Variants in GRM3 observed in about 807,000 individuals in gnomAD.
The protein encoded by GRM3 is glutamate metabotropic receptor 3.
Under a neutral mutation model 70.5 loss-of-function variants are expected in GRM3, and 26 were observed. The ratio of observed to expected loss-of-function variants is 0.37; its 90% CI spans 0.27 to 0.51. The LOEUF is 0.51. Ranked by LOEUF, GRM3 falls within the 20% of genes least tolerant of loss-of-function variation. The probability of loss-of-function intolerance (pLI) is 0.93; values close to 1 mark genes in which losing one functional copy is unlikely to be tolerated. For missense variants in GRM3, 859 were observed against 1,123.8 expected, an observed-to-expected ratio of 0.76 and a Z score of 3.37; for synonymous variants, 443 against 434.9, an observed-to-expected ratio of 1.02 and a Z score of -0.23.
At chr7:86,689,033 AATTCTGAGTC>A (rs996409020) in intron 1 of GRM3, among the ~76,000 whole-genome samples, 79 of 150,092 alleles carry the variant, frequency 5.3e-4, no homozygotes, top group Middle Eastern at 3.5e-3. Flanking sequence ...CTTAGGAAAT[AATTCTGAGTC>A]ATTGCCATTA....
intron 1 of GRM3, among the ~76,000 whole-genome samples, chr7:86,655,249 A>C (rs1318283340): frequency 2.0e-5 from 3 of 152,162 alleles, no homozygotes; most frequent in Non-Finnish European, 4.4e-5. Flanking sequence ...ACCTATATTT[A>C]AGTCCAACTT....
rs894983594 is a variant in GRM3 at position 86,644,565 on chromosome 7, C to A, written c.-448C>A. On this transcript the variant is annotated 5_prime_UTR_variant, in exon 1 of 6. Transcript: ENST00000361669. ...CCCAACCTCCTCCCTCTCTTCTACT[C>A]CACCCCTCCGTTTTCCCACTCCCCA... 1 of 402,268 alleles carries A rather than the reference C, an allele frequency of 2.5e-6. No individual in the cohort carries two copies. The highest frequency in any genetic ancestry group is 2.0e-5 in the African/African-American group (1 of 48,826). The allele number at this position is 402,268 out of a possible 1,614,324, so 24.9% of individuals were successfully genotyped here. A position where few individuals can be genotyped will look rare whatever the true frequency, so the allele number is the denominator to read the frequency against.
At position 86,821,182 on chromosome 7, in the gene GRM3, A is replaced by T. The variant is rs573421502; in HGVS notation, c.1325-17657A>T. 2.8e-5 allele frequency among the ~76,000 whole-genome samples: 4 copies of T among 143,502 alleles called. No individual in the cohort carries two copies. In the East Asian group the frequency reaches 8.0e-4, roughly 29 times the overall value. The allele number at this position is 143,502 out of a possible 152,430, so 94.1% of individuals were successfully genotyped here. On this transcript the variant is annotated intron_variant, in intron 3 of 5. Transcript: ENST00000361669. ...AAAGGCTGAATAAAGGGTTTTTTTT[A>T]ACTAGAAAGAGAAAGATTATGTCAT...
At position 86,849,824 on chromosome 7, in the gene GRM3, A is replaced by G. The variant is rs1225709814; in HGVS notation, c.2392-546A>G. On this transcript the variant is annotated intron_variant, in intron 4 of 5. Coordinates refer to ENST00000361669, the MANE Select transcript of GRM3 (RefSeq NM_000840.3). ...GATGCCAATAAGCAAAAGCAAAGGT[A>G]CCACAGAAGAAAGCTGACAGTGATC... is the stretch of plus-strand genomic sequence containing the variant. 2.0e-5 allele frequency among the ~76,000 whole-genome samples: 3 copies of G among 152,256 alleles called. No homozygotes were observed. In the East Asian group the frequency reaches 5.8e-4, roughly 29 times the overall value.
At chr7:86,770,061 G>A (rs1490054755) in intron 2 of GRM3, among the ~76,000 whole-genome samples, 1 of 152,098 alleles carries the variant, frequency 6.6e-6, no homozygotes, top group Non-Finnish European at 1.5e-5. Flanking sequence ...CAATGATAAT[G>A]CTTGTGCTTT....
intron 1 of GRM3, among the ~76,000 whole-genome samples, chr7:86,728,781 G>A (rs1317912519): frequency 6.6e-6 from 1 of 152,200 alleles, no homozygotes; most frequent in Non-Finnish European, 1.5e-5. Context: ...CTAGTGAGCA[G>A]GTAGTGAAAC....
chr7:86,859,686 C>A (rs906680288), intron 5 of GRM3, among the ~76,000 whole-genome samples: 1 of 152,136 alleles, frequency 6.6e-6, no homozygotes, highest in Non-Finnish European at 1.5e-5. Context: ...TAAAGTAACA[C>A]TGACTCTCAG....
intron 1 of GRM3, among the ~76,000 whole-genome samples, chr7:86,718,843 T>A (rs1373701903): frequency 6.6e-6 from 1 of 151,974 alleles, no homozygotes; most frequent in African/African-American, 2.4e-5. Flanking sequence ...ACTTCTCTTG[T>A]AAGAATCATT....
At chr7:86,721,326 A>G (rs1795457035) in intron 1 of GRM3, among the ~76,000 whole-genome samples, 1 of 152,120 alleles carries the variant, frequency 6.6e-6, no homozygotes, top group South Asian at 2.1e-4. Context: ...TTCTAGGATG[A>G]AATACCAAGT....
intron 1 of GRM3, among the ~76,000 whole-genome samples, chr7:86,660,359 T>G (rs1001174034): frequency 4.6e-5 from 7 of 152,140 alleles, no homozygotes; most frequent in Non-Finnish European, 1.0e-4. Context: ...TTTTGCTTGT[T>G]TGTAATGTAA....
At chr7:86,772,105 A>G (rs1448665840) in intron 2 of GRM3, among the ~76,000 whole-genome samples, 2 of 152,084 alleles carry the variant, frequency 1.3e-5, no homozygotes, top group Non-Finnish European at 2.9e-5. Context: ...ACTATAAGCC[A>G]CTTGAGTTTA....
At chr7:86,683,356 C>T (rs1794487026) in intron 1 of GRM3, among the ~76,000 whole-genome samples, 1 of 152,152 alleles carries the variant, frequency 6.6e-6, no homozygotes, top group African/African-American at 2.4e-5. Context: ...CAGTTTGAGA[C>T]ATGCTGACAT....
chr7:86,849,499 C>T (rs1161152436), intron 4 of GRM3, among the ~76,000 whole-genome samples: 1 of 152,086 alleles, frequency 6.6e-6, no homozygotes, highest in Non-Finnish European at 1.5e-5. Flanking sequence ...GTTCAGTCTT[C>T]AGCTTTCCTT....
At chr7:86,748,119 T>G (rs1007830711) in intron 1 of GRM3, among the ~76,000 whole-genome samples, 1 of 152,008 alleles carries the variant, frequency 6.6e-6, no homozygotes, top group Non-Finnish European at 1.5e-5. Context: ...ATATACCTAT[T>G]ATTTCGCTTT....
chr7:86,660,471 G>A (rs1483320184), intron 1 of GRM3, among the ~76,000 whole-genome samples: 1 of 151,914 alleles, frequency 6.6e-6, no homozygotes, highest in Non-Finnish European at 1.5e-5. Context: ...TAATCCACCA[G>A]CAAAAGGAAA....
intron 5 of GRM3, among the ~76,000 whole-genome samples, chr7:86,859,524 A>G (rs950520301): frequency 1.3e-5 from 2 of 152,218 alleles, no homozygotes; most frequent in African/African-American, 2.4e-5. Flanking sequence ...TTCCATGACC[A>G]TAATAGTAAA....
intron 1 of GRM3, among the ~76,000 whole-genome samples, chr7:86,749,852 T>C (rs1796188785): frequency 6.6e-6 from 1 of 151,968 alleles, no homozygotes; most frequent in South Asian, 2.1e-4. Context: ...TCTCAACAGA[T>C]GGGAGTTATA....
Position 86,839,267 on chromosome 7 carries a change from T to A in GRM3, c.1753T>A (p.Cys585Ser). The change falls in exon 4 of 6, where the codon TGT (cysteine) becomes AGT (serine). Residue 585 changes from cysteine to serine, a missense_variant. By Grantham distance (112) the Cys-to-Ser change is moderately radical. Transcript: ENST00000361669. The surrounding 1 kb of genome is among the most constrained non-coding windows in gnomAD (Gnocchi z 4.5). The stretch of plus-strand genomic sequence containing the variant: ...GGCCATTGGCCCAGTCACCATTGCC[T>A]GTCTGGGTTTTATGTGTACATGCAT... Reference protein sequence around the residue: ...AWAIGPVTIACLGFMCTCMVV... With the variant: ...AWAIGPVTIASLGFMCTCMVV... 1.2e-6 allele frequency: 2 copies of A among 1,613,912 alleles called. No homozygotes were observed. The highest frequency in any genetic ancestry group is 1.7e-6 in the Non-Finnish European group (2 of 1,179,774).
At chr7:86,772,388 G>GA (rs1796768738) in intron 2 of GRM3, among the ~76,000 whole-genome samples, 1 of 152,082 alleles carries the variant, frequency 6.6e-6, no homozygotes, top group Admixed American at 6.6e-5. Context: ...TGGAAGACTT[G>GA]TTTAGATATA....
Sources: gnomAD v4.1 joint callset for allele counts (sites outside exome capture counted in the v4.1 genomes callset) on GRCh38, gnomAD v4.1.1 for gene constraint, Gnocchi (gnomAD v3.1) non-coding constraint, MANE v1.5 for transcripts, NCBI Gene and HGNC (gene_info 2026-07-23, HGNC 2026-07-21) for gene names.